The following MTCL1 variants were observed in gnomAD, a reference collection of about 807,000 sequenced individuals.
MTCL1 encodes microtubule cross-linking factor 1.
In MTCL1, 79 loss-of-function variants were observed where a neutral mutation model predicts 141.4. The observed-to-expected ratio is 0.56, with a 90% CI of 0.47 to 0.67. MTCL1 has a LOEUF of 0.67. Among genes scored for constraint, MTCL1 ranks in the 30% least tolerant of loss-of-function variants. The probability of loss-of-function intolerance (pLI) is 0.00; values close to 1 mark genes in which losing one functional copy is unlikely to be tolerated. For missense variants in MTCL1, 2,177 were observed against 2,113.9 expected (o/e 1.03, Z -0.59); for synonymous variants, 914 against 875.8 (o/e 1.04, Z -0.77).
At chr18:8,809,358 A>C (rs954226265) in intron 11 of MTCL1, 1 of 1,467,452 alleles carries the variant, frequency 6.8e-7, no homozygotes, top group African/African-American at 1.4e-5. Flanking sequence ...CATAGGCAAC[A>C]AGCCCAACAG....
exon 6 of MTCL1, chr18:8,784,584 C>G (rs139950675): frequency 6.2e-7 from 1 of 1,610,704 alleles, no homozygotes; most frequent in Non-Finnish European, 8.5e-7. Context: ...GCGCCCTTAC[C>G]GGGGCCTGGC....
chr18:8,789,123 C>G (rs2075628824), intron 7 of MTCL1, among the ~76,000 whole-genome samples: 3 of 152,182 alleles, frequency 2.0e-5, no homozygotes, highest in Admixed American at 6.5e-5. Context: ...GTTTCTGGGT[C>G]AGAAATCTCA....
chr18:8,831,219 A>G (rs600589), intron 16 of MTCL1: 688,341 of 1,024,776 alleles, frequency 0.67, 236,690 homozygotes, highest in East Asian at 0.79. Flanking sequence ...CTGTAGCTAA[A>G]TAGATCATAC....
At chr18:8,804,706 C>T (rs974309072) in intron 10 of MTCL1, among the ~76,000 whole-genome samples, 2 of 152,200 alleles carry the variant, frequency 1.3e-5, no homozygotes, top group African/African-American at 4.8e-5. Context: ...CATCAAAAGT[C>T]CATTGTAGCT....
chr18:8,706,104 C>G, exon 1 of MTCL1: 2 of 1,208,934 alleles, frequency 1.7e-6, no homozygotes, highest in South Asian at 4.1e-5. Context: ...GGAAGCCTCC[C>G]GGAGCCGAGC....
chr18:8,795,612 C>A (rs62086596), intron 8 of MTCL1, among the ~76,000 whole-genome samples: 14,561 of 152,208 alleles, frequency 0.096, 904 homozygotes, highest in Non-Finnish European at 0.14. Context: ...GAGATATGCA[C>A]ATCTAATAGG....
chr18:8,711,507 C>G (rs1277832315), intron 1 of MTCL1, among the ~76,000 whole-genome samples: 2 of 141,842 alleles, frequency 1.4e-5, no homozygotes, highest in East Asian at 4.1e-4. Context: ...GTCCCACCAA[C>G]AGTGTAAAAG....
At chr18:8,832,001 A>C in exon 17 of MTCL1, 3 of 674,554 alleles carry the variant, frequency 4.4e-6, no homozygotes, top group Non-Finnish European at 7.3e-6. Flanking sequence ...TGCCTGTAAT[A>C]ACTTAATTTT....
At chr18:8,740,568 C>CACCT (rs1817893570) in intron 4 of MTCL1, among the ~76,000 whole-genome samples, 1 of 152,190 alleles carries the variant, frequency 6.6e-6, no homozygotes, top group African/African-American at 2.4e-5. Context: ...TTGCAACCTC[C>CACCT]ACCTCCTGGG....
chr18:8,803,800 T>C (rs762280142), intron 10 of MTCL1, among the ~76,000 whole-genome samples: 3 of 152,256 alleles, frequency 2.0e-5, no homozygotes, highest in African/African-American at 7.2e-5. Flanking sequence ...AAGGCTTAAA[T>C]TTTATTGAAT....
chr18:8,725,776 C>CT lies in MTCL1; in HGVS notation c.357+5293dup, dbSNP rs1220187127. 2.3e-3 allele frequency among the ~76,000 whole-genome samples: 259 copies of CT among 110,868 alleles called. 1 individual carries two copies. Among genetic ancestry groups the CT allele is most frequent in the Middle Eastern group, 5.3e-3 (1 of 190 alleles). 72.7% of individuals were successfully genotyped at this position (110,868 alleles called of 152,430 possible). A position where few individuals can be genotyped will look rare whatever the true frequency, so the allele number is the denominator to read the frequency against. On this transcript the variant is annotated intron_variant, in intron 4 of 16. Transcript: ENST00000359865. ...GCGTTATGTATTTTGGTGCCATTTT[C>CT]TTTTTTTTTTTTTCTTTTTTTTTTT...
rs953944321 is a variant in MTCL1 at position 8,792,555 on chromosome 18, A to T, written c.1888-443A>T. ...AAGAAAGCATATGAAAAAATTAATTATGCAACACAGAAAGACCCCATGACT... is the reference window on the plus strand; with the variant it reads ...AAGAAAGCATATGAAAAAATTAATTTTGCAACACAGAAAGACCCCATGACT... On this transcript the variant is annotated intron_variant, in intron 7 of 16. Coordinates refer to ENST00000359865, the Ensembl canonical transcript of MTCL1. 2.0e-5 allele frequency among the ~76,000 whole-genome samples: 3 copies of T among 152,354 alleles called. No homozygotes were observed. In the South Asian group the frequency reaches 6.2e-4, roughly 32 times the overall value.
intron 4 of MTCL1, among the ~76,000 whole-genome samples, chr18:8,726,286 CTTTTTT>C (rs77665680): frequency 1.4e-4 from 14 of 102,254 alleles, no homozygotes; most frequent in Non-Finnish European, 2.3e-4. Context: ...TTCTTTTTTT[CTTTTTT>C]TTTTTTTTTT....
At chr18:8,831,853 C>T (rs1260924298) in exon 17 of MTCL1, 2 of 1,537,084 alleles carry the variant, frequency 1.3e-6, no homozygotes, top group Non-Finnish European at 1.8e-6. Context: ...TGCATAACCA[C>T]ACCATCACCA....
At chr18:8,770,352 C>G (rs2096480252) in intron 4 of MTCL1, among the ~76,000 whole-genome samples, 1 of 152,170 alleles carries the variant, frequency 6.6e-6, no homozygotes, top group African/African-American at 2.4e-5. Flanking sequence ...ATATCACAGG[C>G]TAGGGGCTTA....
At chr18:8,764,217 T>C (rs2096447680) in intron 4 of MTCL1, among the ~76,000 whole-genome samples, 4 of 152,182 alleles carry the variant, frequency 2.6e-5, no homozygotes. Flanking sequence ...AAGAGAATCA[T>C]AATTGGCAGG....
intron 4 of MTCL1, among the ~76,000 whole-genome samples, chr18:8,767,763 A>G (rs1164852391): frequency 6.6e-6 from 1 of 152,146 alleles, no homozygotes; most frequent in Non-Finnish European, 1.5e-5. Context: ...TTTGAAAAAA[A>G]AAAAAATTAA....
chr18:8,809,761 G>T (rs532744822), intron 11 of MTCL1: 3 of 744,586 alleles, frequency 4.0e-6, no homozygotes, highest in Non-Finnish European at 6.3e-6. Context: ...AGACAGGAAC[G>T]CAGAGAGACA....
At chr18:8,757,320 C>T (rs1351653858) in intron 4 of MTCL1, among the ~76,000 whole-genome samples, 1 of 152,144 alleles carries the variant, frequency 6.6e-6, no homozygotes, top group African/African-American at 2.4e-5. Context: ...CTTCAGTTCC[C>T]TGGAAACATA....
Sources: gnomAD v4.1 joint callset for allele counts (sites outside exome capture counted in the v4.1 genomes callset) on GRCh38, gnomAD v4.1.1 for gene constraint, MANE v1.5 for transcripts, NCBI Gene and HGNC (gene_info 2026-07-23, HGNC 2026-07-21) for gene names.